Variants in DLGAP2 observed in about 807,000 individuals in gnomAD.
DLGAP2 encodes the protein DLG associated protein 2.
A neutral mutation model predicts 100.3 loss-of-function variants in DLGAP2; 26 were observed. The observed-to-expected ratio is 0.26, with a 90% CI of 0.19 to 0.36. The LOEUF (loss-of-function observed/expected upper bound fraction) is 0.36. Among genes scored for constraint, DLGAP2 ranks in the 10% least tolerant of loss-of-function variants. The pLI is 1.00. For synonymous variants in DLGAP2, 886 were observed against 630.1 expected (o/e 1.41, Z -6.08); for missense variants, 1,858 against 1,453.2 (o/e 1.28, Z -4.53).
At chr8:1,069,306 C>T (rs1291277757) in intron 2 of DLGAP2, among the ~76,000 whole-genome samples, 2 of 152,014 alleles carry the variant, frequency 1.3e-5, no homozygotes, top group Non-Finnish European at 2.9e-5. Context: ...CTGGACAGGT[C>T]GCGAGGAGGC....
chr8:1,206,108 C>A (rs1157827045), intron 2 of DLGAP2, among the ~76,000 whole-genome samples: 1 of 152,146 alleles, frequency 6.6e-6, no homozygotes, highest in Non-Finnish European at 1.5e-5. Context: ...CCCTCTGCAC[C>A]CAAGGTGATG....
intron 8 of DLGAP2, among the ~76,000 whole-genome samples, chr8:1,652,717 G>A (rs1444881316): frequency 6.6e-6 from 1 of 152,088 alleles, no homozygotes; most frequent in Non-Finnish European, 1.5e-5. Flanking sequence ...AATTTGCATC[G>A]TCTGTTTCTG....
intron 3 of DLGAP2, among the ~76,000 whole-genome samples, chr8:1,472,142 G>A (rs1261727557): frequency 6.6e-6 from 1 of 152,204 alleles, no homozygotes; most frequent in African/African-American, 2.4e-5. Flanking sequence ...CGCAGAGCAG[G>A]ACATGCAGAG....
intron 2 of DLGAP2, among the ~76,000 whole-genome samples, chr8:969,060 C>T (rs902470895): frequency 6.6e-6 from 1 of 152,154 alleles, no homozygotes; most frequent in Non-Finnish European, 1.5e-5. Context: ...GTCAGATGTT[C>T]TTCTGGGGAT....
At chr8:1,171,898 T>A (rs1187839428) in intron 2 of DLGAP2, among the ~76,000 whole-genome samples, 1 of 152,184 alleles carries the variant, frequency 6.6e-6, no homozygotes, top group African/African-American at 2.4e-5. Flanking sequence ...AAGTTAATAT[T>A]GTTATGTGTG....
chr8:1,613,735 A>G (rs922458521), intron 6 of DLGAP2, among the ~76,000 whole-genome samples: 16 of 152,066 alleles, frequency 1.1e-4, no homozygotes, highest in African/African-American at 3.6e-4. Context: ...CCCTTTTTCG[A>G]GAACCTGTTC....
intron 2 of DLGAP2, among the ~76,000 whole-genome samples, chr8:1,170,426 T>C (rs1198445619): frequency 6.6e-6 from 1 of 152,198 alleles, no homozygotes; most frequent in East Asian, 1.9e-4. Flanking sequence ...TTCCCTCTTT[T>C]TCTGTTGATT....
At chr8:1,051,308 A>T (rs1802703722) in intron 2 of DLGAP2, among the ~76,000 whole-genome samples, 1 of 152,070 alleles carries the variant, frequency 6.6e-6, no homozygotes, top group African/African-American at 2.4e-5. Context: ...CTCACCTGGG[A>T]GGGGCACCGG....
chr8:1,140,675 T>C (rs1028736373), intron 2 of DLGAP2, among the ~76,000 whole-genome samples: 1 of 152,196 alleles, frequency 6.6e-6, no homozygotes, highest in Non-Finnish European at 1.5e-5. Flanking sequence ...TTGTTCTTTT[T>C]AAATTCCCTG....
intron 2 of DLGAP2, among the ~76,000 whole-genome samples, chr8:945,251 C>G (rs1380536795): frequency 6.6e-6 from 1 of 152,164 alleles, no homozygotes; most frequent in Non-Finnish European, 1.5e-5. Context: ...CTTCTGGTCC[C>G]CTTCCCTGCA....
chr8:1,210,730 C>T (rs994377567), intron 2 of DLGAP2, among the ~76,000 whole-genome samples: 14 of 151,860 alleles, frequency 9.2e-5, no homozygotes, highest in South Asian at 6.3e-4. Flanking sequence ...CCCCCACCCC[C>T]GGCCCTGGTT....
At chr8:914,953 G>A (rs1184905800) in intron 2 of DLGAP2, among the ~76,000 whole-genome samples, 1 of 152,180 alleles carries the variant, frequency 6.6e-6, no homozygotes, top group Non-Finnish European at 1.5e-5. Context: ...GGGGGTGTCA[G>A]GAGGGTAGAT....
chr8:1,256,076 G>A (rs1799203890), intron 2 of DLGAP2, among the ~76,000 whole-genome samples: 1 of 124,446 alleles, frequency 8.0e-6, no homozygotes, highest in Non-Finnish European at 1.6e-5. Context: ...GGTGCTATGT[G>A]TGTGTCTTCT....
chr8:905,207 C>T lies in DLGAP2; in HGVS notation c.19-2705C>T, dbSNP rs181778218. On this transcript the variant is annotated intron_variant, in intron 1 of 14. Transcript: ENST00000637795. Reference sequence around the variant, plus strand: ...GGTTCAAGGAAAGCTCTGTGGGAGCCGCAGGGTGGGCACTGTGTTTGTGGG... The same window carrying T: ...GGTTCAAGGAAAGCTCTGTGGGAGCTGCAGGGTGGGCACTGTGTTTGTGGG... Among the ~76,000 whole-genome samples the T allele has an allele frequency of 1.0e-3, 155 of 152,206 alleles. 1 individual carries two copies. Among genetic ancestry groups the T allele is most frequent in the African/African-American group, 3.4e-3 (143 of 41,510 alleles).
chr8:1,264,167 CAAAAG>C (rs10599445), intron 3 of DLGAP2, among the ~76,000 whole-genome samples: 36,001 of 151,760 alleles, frequency 0.24, 4,845 homozygotes, highest in African/African-American at 0.36. Flanking sequence ...TGGATGAAAA[CAAAAG>C]AAAGGGGATC....
chr8:1,001,661 A>T (rs1350719597), intron 2 of DLGAP2, among the ~76,000 whole-genome samples: 1 of 152,144 alleles, frequency 6.6e-6, no homozygotes, highest in Non-Finnish European at 1.5e-5. Context: ...ATTCAAAGTA[A>T]TATTGATGTT....
chr8:1,045,199 A>G (rs1193766437), intron 2 of DLGAP2, among the ~76,000 whole-genome samples: 2 of 152,158 alleles, frequency 1.3e-5, no homozygotes, highest in African/African-American at 2.4e-5. Flanking sequence ...TTGGCAATTC[A>G]CCAAAATTCT....
At chr8:1,658,651 C>G (rs1488418951) in intron 8 of DLGAP2, among the ~76,000 whole-genome samples, 1 of 152,168 alleles carries the variant, frequency 6.6e-6, no homozygotes, top group African/African-American at 2.4e-5. Flanking sequence ...ATAGTATTCT[C>G]TGATGGTAGT....
At chr8:1,091,203 G>C (rs563213066) in intron 2 of DLGAP2, among the ~76,000 whole-genome samples, 3 of 152,166 alleles carry the variant, frequency 2.0e-5, no homozygotes, top group Non-Finnish European at 2.9e-5. Flanking sequence ...ACGTCACTTC[G>C]TGAAGTACTG....
Sources: allele counts gnomAD v4.1 joint callset (sites outside exome capture counted in the v4.1 genomes callset), GRCh38; gene constraint gnomAD v4.1.1; transcripts MANE v1.5; gene names NCBI Gene and HGNC (gene_info 2026-07-23, HGNC 2026-07-21).